MAGI2: variants seen among roughly 807,000 people sequenced by gnomAD.
The protein encoded by MAGI2 is membrane associated guanylate kinase, WW and PDZ domain containing 2.
In MAGI2, 35 loss-of-function variants were observed where a neutral mutation model predicts 133.3. The ratio of observed to expected loss-of-function variants is 0.26; its 90% CI spans 0.20 to 0.35. MAGI2 has a LOEUF of 0.35. Among genes scored for constraint, MAGI2 ranks in the 10% least tolerant of loss-of-function variants. The pLI is 1.00. For synonymous variants in MAGI2, 729 were observed against 710.6 expected, an observed-to-expected ratio of 1.03 and a Z score of -0.41; for missense variants, 1,636 against 1,863.4, an observed-to-expected ratio of 0.88 and a Z score of 2.25.
intron 2 of MAGI2, among the ~76,000 whole-genome samples, chr7:78,894,818 T>G (rs1475000114): frequency 6.6e-6 from 1 of 152,326 alleles, no homozygotes; most frequent in South Asian, 2.1e-4. Flanking sequence ...CACATTCGAC[T>G]TTTTCTCTGC....
At chr7:78,239,315 A>C (rs1307985656) in intron 10 of MAGI2, among the ~76,000 whole-genome samples, 1 of 152,184 alleles carries the variant, frequency 6.6e-6, no homozygotes, top group Non-Finnish European at 1.5e-5. Flanking sequence ...TAATAGAAGA[A>C]AACATAGGGG....
chr7:78,531,325 T>C (rs1797454362), intron 3 of MAGI2, among the ~76,000 whole-genome samples: 1 of 151,634 alleles, frequency 6.6e-6, no homozygotes, highest in African/African-American at 2.4e-5. Context: ...GCGATTCTCC[T>C]GCCTCAGTCT....
At chr7:78,211,971 CTG>C (rs2150805261) in intron 10 of MAGI2, among the ~76,000 whole-genome samples, 1 of 152,326 alleles carries the variant, frequency 6.6e-6, no homozygotes, top group East Asian at 1.9e-4. Context: ...ACTCCAGTCT[CTG>C]TGCTCTAGTA....
intron 21 of MAGI2, among the ~76,000 whole-genome samples, chr7:78,053,340 A>G (rs1417672150): frequency 6.6e-6 from 1 of 152,174 alleles, no homozygotes; most frequent in East Asian, 1.9e-4. Flanking sequence ...GGAGACCCTT[A>G]ATATAGAAGC....
intron 1 of MAGI2, among the ~76,000 whole-genome samples, chr7:79,370,796 A>G (rs530719546): frequency 6.6e-6 from 1 of 152,248 alleles, no homozygotes; most frequent in Non-Finnish European, 1.5e-5. Context: ...CAAATTAGAA[A>G]GCATAATATA....
intron 6 of MAGI2, among the ~76,000 whole-genome samples, chr7:78,428,407 T>C (rs1333222497): frequency 1.3e-5 from 2 of 152,230 alleles, no homozygotes; most frequent in Non-Finnish European, 2.9e-5. Flanking sequence ...CTTATCCTTG[T>C]TCCAGTGATG....
intron 3 of MAGI2, among the ~76,000 whole-genome samples, chr7:78,609,049 G>T (rs1806140544): frequency 6.6e-6 from 1 of 152,162 alleles, no homozygotes; most frequent in African/African-American, 2.4e-5. Context: ...TAGCATGGGG[G>T]AAAGATGTAG....
At chr7:78,911,668 A>G (rs1020247045) in intron 2 of MAGI2, among the ~76,000 whole-genome samples, 16 of 148,922 alleles carry the variant, frequency 1.1e-4, no homozygotes, top group African/African-American at 2.3e-4. Context: ...ATGTGTGTAT[A>G]TATATATATA....
intron 10 of MAGI2, among the ~76,000 whole-genome samples, chr7:78,209,074 T>G: frequency 7.2e-6 from 1 of 138,516 alleles, no homozygotes; most frequent in African/African-American, 2.6e-5. Flanking sequence ...TACAAAAAAT[T>G]AGCCGGGCGT....
chr7:78,828,061 T>G (rs1448402982), intron 2 of MAGI2, among the ~76,000 whole-genome samples: 2 of 152,150 alleles, frequency 1.3e-5, no homozygotes, highest in Non-Finnish European at 2.9e-5. Flanking sequence ...ATTTTTGTAT[T>G]TTTAGTAGAG....
At chr7:78,311,283 A>T (rs1798679392) in intron 9 of MAGI2, among the ~76,000 whole-genome samples, 1 of 152,188 alleles carries the variant, frequency 6.6e-6, no homozygotes, top group Admixed American at 6.5e-5. Flanking sequence ...AGCAGTGGGG[A>T]GGGTGGAAAA....
chr7:79,230,490 G>A (rs895349651), intron 1 of MAGI2, among the ~76,000 whole-genome samples: 32 of 151,784 alleles, frequency 2.1e-4, no homozygotes, highest in African/African-American at 7.5e-4. Context: ...CATTCTAACT[G>A]GTGTGAGATG....
chr7:78,894,079 A>T (rs989293188), intron 2 of MAGI2, among the ~76,000 whole-genome samples: 1 of 152,222 alleles, frequency 6.6e-6, no homozygotes, highest in East Asian at 1.9e-4. Flanking sequence ...AAGTTGTAGG[A>T]AAAGAAAGTA....
intron 3 of MAGI2, among the ~76,000 whole-genome samples, chr7:78,524,702 T>C (rs7806320): frequency 0.61 from 93,192 of 152,052 alleles, 29,890 homozygotes; most frequent in African/African-American, 0.82. Flanking sequence ...CAAACAAAAA[T>C]GAACAGTTGC....
intron 21 of MAGI2, among the ~76,000 whole-genome samples, chr7:78,042,352 T>C (rs1442289600): frequency 6.6e-6 from 1 of 152,210 alleles, no homozygotes; most frequent in Non-Finnish European, 1.5e-5. Flanking sequence ...GCAAACATTA[T>C]AGGTTTTGAG....
At chr7:78,338,510 A>G (rs1186384010) in intron 9 of MAGI2, among the ~76,000 whole-genome samples, 3 of 152,146 alleles carry the variant, frequency 2.0e-5, no homozygotes, top group Non-Finnish European at 4.4e-5. Context: ...TTAACATGTC[A>G]CTGGTAAACT....
chr7:79,281,786 A>ATTC (rs1835661999), intron 1 of MAGI2, among the ~76,000 whole-genome samples: 1 of 152,172 alleles, frequency 6.6e-6, no homozygotes, highest in South Asian at 2.1e-4. Context: ...AGCTAGTCAT[A>ATTC]TTCTTGCAAG....
chr7:78,167,886 CG>C (rs1312747926), intron 15 of MAGI2, 29 bp downstream of exon 15: 1 of 1,593,088 alleles, frequency 6.3e-7, no homozygotes, highest in African/African-American at 1.3e-5. Flanking sequence ...ACCTAACCCT[CG>C]ATTCCTGCAG....
intron 2 of MAGI2, among the ~76,000 whole-genome samples, chr7:78,655,454 C>CAAAAAAAAAAAAAAAAAAAAAACAA: frequency 3.1e-5 from 2 of 64,948 alleles, no homozygotes; most frequent in East Asian, 5.2e-4. Context: ...AAAAAACAAC[C>CAAAAAAAAAAAAAAAAAAAAAACAA]AAAAAAAAAA....
Sources: gnomAD v4.1 joint callset for allele counts (sites outside exome capture counted in the v4.1 genomes callset) on GRCh38, gnomAD v4.1.1 for gene constraint, MANE v1.5 for transcripts, NCBI Gene and HGNC (gene_info 2026-07-23, HGNC 2026-07-21) for gene names.